The following CSMD1 variants were observed in gnomAD, a reference collection of about 807,000 sequenced individuals.
CSMD1 encodes the protein CUB and sushi domain-containing protein 1.
CSMD1 carries 213 observed loss-of-function variants against 417.5 expected under a neutral mutation model. That is an observed-to-expected ratio of 0.51 (90% CI 0.46 to 0.57). The LOEUF (loss-of-function observed/expected upper bound fraction) is 0.57, where lower values mean the gene tolerates loss of function less well. Ranked by LOEUF, CSMD1 falls within the 20% of genes least tolerant of loss-of-function variation. CSMD1 has a pLI of 0.00. For missense variants in CSMD1, 6,923 were observed against 4,529.7 expected (o/e 1.53, Z -15.17); for synonymous variants, 2,862 against 1,736.8 (o/e 1.65, Z -16.11).
At chr8:3,288,314 T>C (rs376989275) in intron 25 of CSMD1, among the ~76,000 whole-genome samples, 1 of 147,124 alleles carries the variant, frequency 6.8e-6, no homozygotes, top group East Asian at 2.0e-4. Context: ...GATGTTGGCC[T>C]CATAAAACGA....
At chr8:4,745,436 G>T (rs1243876513) in intron 1 of CSMD1, among the ~76,000 whole-genome samples, 1 of 151,036 alleles carries the variant, frequency 6.6e-6, no homozygotes, top group Non-Finnish European at 1.5e-5. Context: ...ACTATGTATA[G>T]TATTGAAAGA....
chr8:4,298,112 T>A lies in CSMD1; in HGVS notation c.415+121841A>T, dbSNP rs547517882. ...CAGGGTATAAAGGACCTGGAGAACA[T>A]CCCAGGGCACTGGGGACATATTCAA... On this transcript the variant is annotated intron_variant, in intron 3 of 69. Transcript: ENST00000635120. Among the ~76,000 whole-genome samples the A allele has an allele frequency of 2.8e-4, 43 of 152,086 alleles. No homozygotes were observed. The South Asian group carries it at 7.1e-3, about 25-fold the overall frequency.
At chr8:4,066,001 T>G (rs1175707874) in intron 3 of CSMD1, among the ~76,000 whole-genome samples, 2 of 152,094 alleles carry the variant, frequency 1.3e-5, no homozygotes, top group East Asian at 3.9e-4. Flanking sequence ...AGGAGACCCT[T>G]CTCCACGAAT....
At chr8:4,479,587 A>C (rs1800978106) in intron 2 of CSMD1, among the ~76,000 whole-genome samples, 2 of 152,168 alleles carry the variant, frequency 1.3e-5, no homozygotes, top group African/African-American at 2.4e-5. Context: ...CTAAAATTTT[A>C]GTTGACTGCT....
chr8:3,949,276 G>A (rs2129854608), intron 5 of CSMD1, among the ~76,000 whole-genome samples: 1 of 152,154 alleles, frequency 6.6e-6, no homozygotes, highest in Non-Finnish European at 1.5e-5. Context: ...CAGCTATCAT[G>A]TTGTACAATG....
intron 1 of CSMD1, among the ~76,000 whole-genome samples, chr8:4,944,874 G>T (rs180711045): frequency 2.6e-5 from 4 of 151,952 alleles, no homozygotes; most frequent in Non-Finnish European, 5.9e-5. Flanking sequence ...AAATAAAACT[G>T]CCATATAATA....
At chr8:3,410,416 G>C (rs1330861952) in intron 12 of CSMD1, among the ~76,000 whole-genome samples, 2 of 152,160 alleles carry the variant, frequency 1.3e-5, no homozygotes, top group Non-Finnish European at 2.9e-5. Context: ...ACGTGTTGTG[G>C]CAGGGATCTG....
intron 3 of CSMD1, among the ~76,000 whole-genome samples, chr8:4,196,372 G>T (rs1257201100): frequency 1.3e-5 from 2 of 152,122 alleles, no homozygotes; most frequent in Non-Finnish European, 2.9e-5. Flanking sequence ...TAGTTCTGTA[G>T]GTCTGAAATT....
intron 2 of CSMD1, among the ~76,000 whole-genome samples, chr8:4,444,859 C>A (rs544364174): frequency 6.6e-6 from 1 of 152,186 alleles, no homozygotes. Flanking sequence ...CCAGAGGACT[C>A]CTGCTGCAGC....
Position 4,799,986 on chromosome 8 carries a change from AT to A in CSMD1, c.86-162429del, listed in dbSNP as rs1798189824. On this transcript the variant is annotated intron_variant, in intron 1 of 69. Coordinates refer to ENST00000635120, the MANE Select transcript of CSMD1 (RefSeq NM_033225.6). Reference sequence around the variant, plus strand: ...ACTGATGCTTCTCATTTTTTCTAACATAAGAAAAGTTTGTAAAGACATCAAT... The same window carrying A: ...ACTGATGCTTCTCATTTTTTCTAACAAAGAAAAGTTTGTAAAGACATCAAT... Among the ~76,000 whole-genome samples, 5 of 134,792 alleles carry A rather than the reference AT, an allele frequency of 3.7e-5. No homozygotes were observed. The Admixed American group carries it at 4.0e-4, about 11-fold the overall frequency. 88.4% of individuals were successfully genotyped at this position (134,792 alleles called of 152,430 possible). A position where few individuals can be genotyped will look rare whatever the true frequency, so the allele number is the denominator to read the frequency against.
intron 3 of CSMD1, among the ~76,000 whole-genome samples, chr8:4,206,516 C>T (rs958672750): frequency 6.6e-6 from 1 of 152,184 alleles, no homozygotes; most frequent in African/African-American, 2.4e-5. Flanking sequence ...GACATGAACT[C>T]ATCCTTTTTT....
At chr8:4,547,218 G>A (rs1456810739) in intron 2 of CSMD1, among the ~76,000 whole-genome samples, 5 of 152,250 alleles carry the variant, frequency 3.3e-5, no homozygotes, top group Middle Eastern at 3.4e-3. Context: ...AGCAAGCCTG[G>A]GTTCTGCCTC....
At chr8:3,576,213 G>C (rs950599739) in intron 9 of CSMD1, among the ~76,000 whole-genome samples, 3 of 151,872 alleles carry the variant, frequency 2.0e-5, no homozygotes, top group African/African-American at 7.3e-5. Context: ...ACCACTGAAC[G>C]CAGGTTTTCC....
chr8:4,343,152 G>C (rs1183043386), intron 3 of CSMD1, among the ~76,000 whole-genome samples: 1 of 152,026 alleles, frequency 6.6e-6, no homozygotes, highest in Non-Finnish European at 1.5e-5. Flanking sequence ...ACATGAAATG[G>C]GCAATGTATT....
At chr8:3,627,462 T>C (rs1796550754) in intron 7 of CSMD1, among the ~76,000 whole-genome samples, 1 of 152,166 alleles carries the variant, frequency 6.6e-6, no homozygotes, top group Admixed American at 6.5e-5. Flanking sequence ...ACTATGTAGG[T>C]TATTTAAAGT....
chr8:3,993,323 G>A (rs1814905547), intron 5 of CSMD1, among the ~76,000 whole-genome samples: 1 of 152,088 alleles, frequency 6.6e-6, no homozygotes, highest in South Asian at 2.1e-4. Context: ...TTGATTTCAG[G>A]GAGTCTGTTA....
chr8:4,917,378 T>G (rs1196859005), intron 1 of CSMD1, among the ~76,000 whole-genome samples: 2 of 152,342 alleles, frequency 1.3e-5, no homozygotes, highest in Admixed American at 6.5e-5. Context: ...CTCACGCCTG[T>G]AACCCCAGCA....
At position 3,936,058 on chromosome 8, in the gene CSMD1, G is replaced by C. The variant is rs550614314; in HGVS notation, c.818+61845C>G. Among the ~76,000 whole-genome samples, 45 of 152,166 alleles carry C rather than the reference G, an allele frequency of 3.0e-4. No individual in the cohort carries two copies. In the South Asian group the frequency reaches 8.9e-3, roughly 30 times the overall value. On this transcript the variant is annotated intron_variant, in intron 5 of 69. Coordinates refer to ENST00000635120, the MANE Select transcript of CSMD1 (RefSeq NM_033225.6). ...ATATGGAGAAAGTTTAGAGTGTCCTGGGTAAAAGACCAAAGCAGCCGCAAA... is the reference window on the plus strand; with the variant it reads ...ATATGGAGAAAGTTTAGAGTGTCCTCGGTAAAAGACCAAAGCAGCCGCAAA...
Position 4,044,576 on chromosome 8 carries a change from C to T in CSMD1, c.416-12477G>A, listed in dbSNP as rs374473053. ...TTCTACCACGGCAGAGCTCGGTCAC[C>T]GGAAGGATAATTAAATCCGGGTCTC... On this transcript the variant is annotated intron_variant, in intron 3 of 69. Transcript: ENST00000635120. Among the ~76,000 whole-genome samples the T allele has an allele frequency of 3.6e-4, 55 of 152,266 alleles. 1 individual carries two copies. In the East Asian group the frequency reaches 7.9e-3, roughly 22 times the overall value.
Sources: allele counts gnomAD v4.1 joint callset (sites outside exome capture counted in the v4.1 genomes callset), GRCh38; gene constraint gnomAD v4.1.1; transcripts MANE v1.5; gene names NCBI Gene and HGNC (gene_info 2026-07-23, HGNC 2026-07-21).